The following AREL1 variants were observed in gnomAD, a reference collection of about 807,000 sequenced individuals.
AREL1 encodes the protein apoptosis-resistant E3 ubiquitin protein ligase 1.
Under a neutral mutation model 99.0 loss-of-function variants are expected in AREL1, and 62 were observed. That is an observed-to-expected ratio of 0.63 (90% CI 0.51 to 0.77). The LOEUF is 0.77. Among genes scored for constraint, AREL1 ranks in the 30% least tolerant of loss-of-function variants. AREL1 has a pLI of 0.00. For missense variants in AREL1, 879 were observed against 1,027.6 expected (o/e 0.86, Z 1.98); for synonymous variants, 380 against 376.5 (o/e 1.01, Z -0.11).
At chr14:74,704,796 T>C (rs1296669173) in intron 1 of AREL1, among the ~76,000 whole-genome samples, 1 of 152,232 alleles carries the variant, frequency 6.6e-6, no homozygotes, top group Non-Finnish European at 1.5e-5. Context: ...TCATAGTTTG[T>C]GGTTTTTGTG....
chr14:74,683,985 G>A (rs1676220115), intron 4 of AREL1, among the ~76,000 whole-genome samples: 1 of 152,162 alleles, frequency 6.6e-6, no homozygotes, highest in Non-Finnish European at 1.5e-5. Flanking sequence ...TGCTACAGTG[G>A]AGAAGTCAAT....
At chr14:74,711,381 A>G (rs1307155320) in intron 1 of AREL1, among the ~76,000 whole-genome samples, 1 of 151,374 alleles carries the variant, frequency 6.6e-6, no homozygotes, top group African/African-American at 2.4e-5. Flanking sequence ...TCTATTAAAA[A>G]TACAAAAATT....
In AREL1 at chr14:74,664,934, A is replaced by C; in HGVS notation, c.2104-9T>G. ...GTCCCACACATCAGCAGCTGGAAAA[A>C]GATGGTAAGGTGTTACTATGACAGT... On this transcript the variant is annotated splice_polypyrimidine_tract_variant and intron_variant, in intron 17 of 19. Transcript: ENST00000356357. 1 of 1,611,844 alleles carries C rather than the reference A, an allele frequency of 6.2e-7. No individual in the cohort carries two copies. Among genetic ancestry groups the C allele is most frequent in the Non-Finnish European group, 8.5e-7 (1 of 1,178,348 alleles).
At chr14:74,708,860 T>C (rs1183320376) in intron 1 of AREL1, among the ~76,000 whole-genome samples, 1 of 152,218 alleles carries the variant, frequency 6.6e-6, no homozygotes, top group Non-Finnish European at 1.5e-5. Context: ...TGAATACCCA[T>C]CTTTCTCTAT....
At chr14:74,664,814 G>A (rs1328489996) in intron 18 of AREL1, 22 bp downstream of exon 18, 2 of 1,605,770 alleles carry the variant, frequency 1.2e-6, no homozygotes, top group East Asian at 2.2e-5. Context: ...AAATCCAACT[G>A]AAAGAAGTTT....
At position 74,664,017 on chromosome 14, in the gene AREL1, G is replaced by C. The variant is rs201605025; in HGVS notation, c.2251C>G (p.Leu751Val). The change falls in exon 19 of 20, where the codon CTA becomes GTA. Residue 751 changes from leucine to valine, a missense_variant. Physicochemically the swap from Leu to Val is conservative, Grantham distance 32. Transcript: ENST00000356357. ...GAGGAGCCTGTTGTGAACTGAAGTA[G>C]CCGAGCCAACTCCTCCTGGGTCAGA... is the stretch of plus-strand genomic sequence containing the variant. ...SSLTQEELAR[L>V]LQFTTGSSQL... The C allele has an allele frequency of 9.9e-6, 16 of 1,614,028 alleles. No individual in the cohort carries two copies. Among genetic ancestry groups the C allele is most frequent in the African/African-American group, 1.3e-5 (1 of 74,926 alleles).
chr14:74,682,507 G>A (rs1241454409), intron 5 of AREL1, among the ~76,000 whole-genome samples: 3 of 152,030 alleles, frequency 2.0e-5, no homozygotes, highest in East Asian at 1.9e-4. Context: ...AATAAAATAC[G>A]GCATGTACAT....
At chr14:74,678,795 T>A (rs991794484) in intron 5 of AREL1, among the ~76,000 whole-genome samples, 2 of 151,776 alleles carry the variant, frequency 1.3e-5, no homozygotes, top group Non-Finnish European at 2.9e-5. Context: ...CTGTAAAAAC[T>A]TTTGGGAAAA....
intron 5 of AREL1, among the ~76,000 whole-genome samples, chr14:74,682,311 C>T (rs944036435): frequency 1.3e-5 from 2 of 152,200 alleles, no homozygotes; most frequent in African/African-American, 4.8e-5. Context: ...GACCCCAGGT[C>T]CTATTATTTC....
At chr14:74,678,327 T>C (rs2089541799) in intron 5 of AREL1, 1 of 396,114 alleles carries the variant, frequency 2.5e-6, no homozygotes. Context: ...TGAGACCCTA[T>C]TCCTACAAAA....
At chr14:74,699,348 G>GGGGTGT (rs1555360644) in intron 1 of AREL1, among the ~76,000 whole-genome samples, 10 of 143,454 alleles carry the variant, frequency 7.0e-5, no homozygotes, top group African/African-American at 2.7e-4. Context: ...GACAGTGAGG[G>GGGGTGT]GTGTGTGTGT....
At chr14:74,693,062 A>C (rs976744489) in intron 1 of AREL1, among the ~76,000 whole-genome samples, 8 of 152,180 alleles carry the variant, frequency 5.3e-5, no homozygotes, top group Non-Finnish European at 1.0e-4. Context: ...CCACATACCC[A>C]GTTTGAATAT....
rs537968123 is a variant in AREL1, at chr14:74,670,261, T to C, written c.1609-135A>G. On this transcript the variant is annotated intron_variant, in intron 13 of 19. Coordinates refer to ENST00000356357, the MANE Select transcript of AREL1 (RefSeq NM_001039479.2). ...GGATCAGAGCCCATCCAAATGTTAG[T>C]TTTTTGGTAGCCACCACTGAGTAAT... is the stretch of plus-strand genomic sequence containing the variant. 5.6e-5 allele frequency: 48 copies of C among 856,394 alleles called. 1 individual carries two copies. In the South Asian group the frequency reaches 1.2e-3, roughly 22 times the overall value. The allele number at this position is 856,394 out of a possible 1,614,324, so 53.0% of individuals were successfully genotyped here.
At chr14:74,670,713 A>T in intron 13 of AREL1, 49 bp downstream of exon 13, 1 of 1,512,272 alleles carries the variant, frequency 6.6e-7, no homozygotes, top group Non-Finnish European at 9.2e-7. Context: ...TTGTTAGTCT[A>T]CCCATGATAA....
intron 1 of AREL1, among the ~76,000 whole-genome samples, chr14:74,696,840 T>A (rs964879801): frequency 6.6e-6 from 1 of 152,126 alleles, no homozygotes; most frequent in Non-Finnish European, 1.5e-5. Flanking sequence ...GGCACACACC[T>A]GTAATCCCAG....
At chr14:74,673,428 G>A (rs993183367) in intron 9 of AREL1, among the ~76,000 whole-genome samples, 1 of 152,126 alleles carries the variant, frequency 6.6e-6, no homozygotes, top group African/African-American at 2.4e-5. Flanking sequence ...ACTGCCTTTA[G>A]TTAGGACCAC....
chr14:74,705,972 T>G (rs2090170794), intron 1 of AREL1, among the ~76,000 whole-genome samples: 1 of 152,262 alleles, frequency 6.6e-6, no homozygotes, highest in Non-Finnish European at 1.5e-5. Context: ...ATTGCTCATT[T>G]TGTAACCTCA....
At position 74,683,529 on chromosome 14, in the gene AREL1, A is replaced by G; in HGVS notation, c.248T>C (p.Phe83Ser). The change falls in exon 5 of 20, where the codon TTC (phenylalanine) becomes TCC (serine). Residue 83 changes from phenylalanine to serine, a missense_variant. Transcript: ENST00000356357. ...AGGGAAAGGCTGCCCGTTCTTATAG[A>G]ATAACTGCCATGGGGAGAAGAAGGA... ...GHSMAFRVHL[F>S]YKNGQPFPAH... 6.2e-7 allele frequency: 1 copy of G among 1,613,960 alleles called. No homozygotes were observed. The highest frequency in any genetic ancestry group is 8.5e-7 in the Non-Finnish European group (1 of 1,179,910).
intron 1 of AREL1, among the ~76,000 whole-genome samples, chr14:74,710,629 G>C (rs1162347185): frequency 6.6e-6 from 1 of 151,984 alleles, no homozygotes; most frequent in Non-Finnish European, 1.5e-5. Context: ...ACACATGAAT[G>C]GCAGCTTGAC....
Sources: allele counts gnomAD v4.1 joint callset (sites outside exome capture counted in the v4.1 genomes callset), GRCh38; gene constraint gnomAD v4.1.1; transcripts MANE v1.5; gene names NCBI Gene and HGNC (gene_info 2026-07-23, HGNC 2026-07-21).